Variants in ADGRL3 observed in about 807,000 individuals in gnomAD.
ADGRL3 encodes the protein adhesion G protein-coupled receptor L3.
Under a neutral mutation model 153.5 loss-of-function variants are expected in ADGRL3, and 62 were observed. That is an observed-to-expected ratio of 0.40 (90% CI 0.33 to 0.50). The LOEUF (loss-of-function observed/expected upper bound fraction) is 0.50. Ranked by LOEUF, ADGRL3 falls within the 20% of genes least tolerant of loss-of-function variation. The pLI is 0.47. For synonymous variants in ADGRL3, 710 were observed against 672.5 expected (o/e 1.06, Z -0.86); for missense variants, 1,641 against 1,859.4 (o/e 0.88, Z 2.16).
At chr4:61,456,423 CTATATCTATA>C (rs2097750041) in intron 2 of ADGRL3, among the ~76,000 whole-genome samples, 5 of 50,470 alleles carry the variant, frequency 9.9e-5, no homozygotes, top group Non-Finnish European at 1.4e-4. Context: ...ATAGATATAT[CTATATCTATA>C]TATATAGATA....
chr4:61,953,998 C>T (rs989146821), intron 17 of ADGRL3, among the ~76,000 whole-genome samples: 12 of 152,178 alleles, frequency 7.9e-5, no homozygotes, highest in African/African-American at 2.6e-4. Flanking sequence ...TCCTATATAC[C>T]TGCTCTTCTC....
intron 1 of ADGRL3, among the ~76,000 whole-genome samples, chr4:61,277,324 T>C (rs1007640202): frequency 2.6e-5 from 4 of 152,136 alleles, no homozygotes; most frequent in African/African-American, 9.7e-5. Context: ...ATTAGTTCAG[T>C]AAATGTTTCA....
chr4:61,987,671 G>A (rs557352339), intron 19 of ADGRL3, among the ~76,000 whole-genome samples: 52 of 151,978 alleles, frequency 3.4e-4, no homozygotes, highest in Non-Finnish European at 7.1e-4. Context: ...GAGATATATT[G>A]TCAACTATTT....
intron 9 of ADGRL3, among the ~76,000 whole-genome samples, chr4:61,874,178 C>G (rs926182044): frequency 1.3e-5 from 2 of 152,130 alleles, no homozygotes; most frequent in Admixed American, 6.5e-5. Flanking sequence ...GGATGAAGTT[C>G]TCATCTGAAA....
At chr4:61,979,881 T>A in intron 18 of ADGRL3, 109 bp downstream of exon 18, 1 of 923,750 alleles carries the variant, frequency 1.1e-6, no homozygotes, top group Non-Finnish European at 1.7e-6. Context: ...TCTAGTCATC[T>A]AAGATAGATA....
At chr4:61,776,041 C>T (rs2097145858) in intron 8 of ADGRL3, among the ~76,000 whole-genome samples, 1 of 152,146 alleles carries the variant, frequency 6.6e-6, no homozygotes, top group South Asian at 2.1e-4. Flanking sequence ...GCTGGGACTC[C>T]AGGCGCCCGC....
chr4:61,904,177 TAA>T (rs5858740), intron 11 of ADGRL3, among the ~76,000 whole-genome samples: 1 of 136,130 alleles, frequency 7.3e-6, no homozygotes. Context: ...TATTGTTCAT[TAA>T]AAAAAAAAAA....
chr4:62,032,661 A>G (rs540142650), intron 23 of ADGRL3, among the ~76,000 whole-genome samples: 1 of 151,874 alleles, frequency 6.6e-6, no homozygotes, highest in African/African-American at 2.4e-5. Flanking sequence ...AATAAAAAGT[A>G]AAGATATCCC....
At chr4:61,323,924 A>G (rs530548298) in intron 1 of ADGRL3, among the ~76,000 whole-genome samples, 2 of 152,258 alleles carry the variant, frequency 1.3e-5, no homozygotes, top group South Asian at 4.1e-4. Context: ...CATACTCAAG[A>G]CTGGGCAATT....
At chr4:61,304,986 G>T (rs1224133465) in intron 1 of ADGRL3, among the ~76,000 whole-genome samples, 1 of 152,138 alleles carries the variant, frequency 6.6e-6, no homozygotes, top group Non-Finnish European at 1.5e-5. Flanking sequence ...TACTGCTCAA[G>T]ATATAGATAA....
chr4:61,986,463 C>A (rs763054178), intron 19 of ADGRL3, among the ~76,000 whole-genome samples: 2 of 152,034 alleles, frequency 1.3e-5, no homozygotes, highest in African/African-American at 4.8e-5. Context: ...TAATATGTAG[C>A]CTCTTGTGGC....
intron 8 of ADGRL3, among the ~76,000 whole-genome samples, chr4:61,760,463 C>T (rs568057259): frequency 2.6e-5 from 4 of 152,070 alleles, no homozygotes; most frequent in East Asian, 1.9e-4. Flanking sequence ...GAGCCAGGCA[C>T]GGGATATAAT....
chr4:62,019,931 G>A (rs1011110382), intron 21 of ADGRL3, among the ~76,000 whole-genome samples: 2 of 152,086 alleles, frequency 1.3e-5, no homozygotes, highest in Admixed American at 6.6e-5. Context: ...TTGTGGAGGC[G>A]AGAAAACTGA....
rs190784377 is a variant in ADGRL3 at position 62,076,136 on chromosome 4, T to C, written c.*5228T>C. 128 of 152,232 alleles carry C rather than the reference T, an allele frequency of 8.4e-4. 1 individual carries two copies. Among genetic ancestry groups the C allele is most frequent in the African/African-American group, 3.0e-3 (126 of 41,564 alleles). The allele number at this position is 152,232 out of a possible 1,614,324, so 9.4% of individuals were successfully genotyped here. On this transcript the variant is annotated 3_prime_UTR_variant, in exon 27 of 27. Transcript: ENST00000683033. ...GTTAATATAGTTTCGCATAATCTCA[T>C]TGAAAGATATTGCTATTCCTTCTTT...
chr4:61,809,256 G>A (rs1163172995), intron 8 of ADGRL3, among the ~76,000 whole-genome samples: 1 of 152,080 alleles, frequency 6.6e-6, no homozygotes, highest in African/African-American at 2.4e-5. Flanking sequence ...TTTACTTAAA[G>A]AAGAAAGTTG....
At chr4:61,869,004 G>GT (rs1182105501) in intron 9 of ADGRL3, among the ~76,000 whole-genome samples, 1 of 152,048 alleles carries the variant, frequency 6.6e-6, no homozygotes, top group Non-Finnish European at 1.5e-5. Flanking sequence ...CTGCAGCCTC[G>GT]TGATGGCAGC....
chr4:61,856,549 C>T (rs1418200053), intron 9 of ADGRL3, among the ~76,000 whole-genome samples: 4 of 141,774 alleles, frequency 2.8e-5, no homozygotes, highest in Non-Finnish European at 4.6e-5. Context: ...CCCTCCCTCT[C>T]TCTCTCTGTC....
chr4:61,604,811 C>T (rs2099025551), intron 5 of ADGRL3, among the ~76,000 whole-genome samples: 1 of 152,012 alleles, frequency 6.6e-6, no homozygotes, highest in Non-Finnish European at 1.5e-5. Flanking sequence ...TAAAAAGTGG[C>T]CAGGAACAAT....
chr4:61,955,694 A>G (rs1317802735), intron 17 of ADGRL3, among the ~76,000 whole-genome samples: 3 of 151,976 alleles, frequency 2.0e-5, no homozygotes, highest in Non-Finnish European at 2.9e-5. Flanking sequence ...TCACCCCCCA[A>G]TCCCACAACA....
Sources: gnomAD v4.1 joint callset for allele counts (sites outside exome capture counted in the v4.1 genomes callset) on GRCh38, gnomAD v4.1.1 for gene constraint, MANE v1.5 for transcripts, NCBI Gene and HGNC (gene_info 2026-07-23, HGNC 2026-07-21) for gene names.